Variants in EYS observed in about 807,000 individuals in gnomAD.
EYS encodes EGF-like photoreceptor maintenance factor.
A neutral mutation model predicts 282.1 loss-of-function variants in EYS; 250 were observed. The ratio of observed to expected loss-of-function variants is 0.89; its 90% CI spans 0.80 to 0.98. The LOEUF (loss-of-function observed/expected upper bound fraction) is 0.98, where lower values mean the gene tolerates loss of function less well. Among genes scored for constraint, EYS ranks in the 50% least tolerant of loss-of-function variants. The pLI is 0.00. For missense variants in EYS, 4,016 were observed against 3,709.0 expected (o/e 1.08, Z -2.15); for synonymous variants, 1,355 against 1,282.9 (o/e 1.06, Z -1.20).
chr6:65,147,596 T>A (rs555743356), intron 12 of EYS, among the ~76,000 whole-genome samples: 1 of 152,120 alleles, frequency 6.6e-6, no homozygotes, highest in African/African-American at 2.4e-5. Context: ...TTGATATTAA[T>A]GTTGTCACTC....
At chr6:65,410,841 T>C (rs1327283312) in intron 5 of EYS, among the ~76,000 whole-genome samples, 1 of 151,908 alleles carries the variant, frequency 6.6e-6, no homozygotes, top group African/African-American at 2.4e-5. Context: ...GTTAACTATA[T>C]ACAAAATAGT....
At chr6:64,271,197 CT>C (rs1006347852) in intron 30 of EYS, among the ~76,000 whole-genome samples, 1 of 151,984 alleles carries the variant, frequency 6.6e-6, no homozygotes, top group African/African-American at 2.4e-5. Context: ...TACTGTTACT[CT>C]TTATTCTTAT....
chr6:65,644,550 A>G (rs1290063709), intron 1 of EYS, among the ~76,000 whole-genome samples: 1 of 152,228 alleles, frequency 6.6e-6, no homozygotes, highest in Non-Finnish European at 1.5e-5. Flanking sequence ...ATCCAAATAC[A>G]AAACACTCAA....
intron 26 of EYS, among the ~76,000 whole-genome samples, chr6:64,495,856 T>C (rs540730154): frequency 5.5e-4 from 83 of 152,024 alleles, no homozygotes; most frequent in Non-Finnish European, 9.0e-4. Flanking sequence ...CATTGGAAGA[T>C]TTAATAATAT....
At chr6:63,851,155 A>C (rs1054154190) in intron 36 of EYS, among the ~76,000 whole-genome samples, 8 of 152,222 alleles carry the variant, frequency 5.3e-5, no homozygotes, top group African/African-American at 1.9e-4. Context: ...CCAATACAGG[A>C]TCATCCAGAT....
chr6:65,121,957 C>A (rs1167898422), intron 12 of EYS, among the ~76,000 whole-genome samples: 1 of 151,718 alleles, frequency 6.6e-6, no homozygotes, highest in Non-Finnish European at 1.5e-5. Context: ...AAAAAAAGAA[C>A]ACTAAAACTA....
chr6:65,059,190 A>C (rs1195708707), intron 12 of EYS, among the ~76,000 whole-genome samples: 1 of 152,016 alleles, frequency 6.6e-6, no homozygotes, highest in African/African-American at 2.4e-5. Context: ...AATTTTGTGG[A>C]AATTGAGAAC....
intron 34 of EYS, among the ~76,000 whole-genome samples, chr6:63,993,832 T>C (rs113519087): frequency 6.6e-6 from 1 of 151,876 alleles, no homozygotes; most frequent in East Asian, 1.9e-4. Flanking sequence ...GGATGCCAAA[T>C]AGCCAAAACA....
intron 31 of EYS, among the ~76,000 whole-genome samples, chr6:64,205,151 C>T (rs1204244482): frequency 6.6e-6 from 1 of 152,116 alleles, no homozygotes; most frequent in South Asian, 2.1e-4. Flanking sequence ...TTAAGATTCA[C>T]AGAGGGATTG....
chr6:65,334,100 CTTTA>C (rs1769893662), intron 11 of EYS, among the ~76,000 whole-genome samples: 1 of 151,660 alleles, frequency 6.6e-6, no homozygotes, highest in Non-Finnish European at 1.5e-5. Context: ...TCTGAAATCA[CTTTA>C]TTTAAATATT....
At chr6:65,323,143 A>C (rs1222766984) in intron 11 of EYS, among the ~76,000 whole-genome samples, 3 of 144,594 alleles carry the variant, frequency 2.1e-5, no homozygotes, top group African/African-American at 7.8e-5. Context: ...GAAAATGTAG[A>C]AAAGCACAAA....
chr6:63,781,001 AG>A (rs1770208115), intron 39 of EYS, among the ~76,000 whole-genome samples: 1 of 152,230 alleles, frequency 6.6e-6, no homozygotes, highest in South Asian at 2.1e-4. Context: ...TTTATTAAGT[AG>A]GGAATCCTTT....
chr6:64,402,185 T>G (rs1773556618), intron 28 of EYS, among the ~76,000 whole-genome samples: 1 of 152,212 alleles, frequency 6.6e-6, no homozygotes, highest in Admixed American at 6.5e-5. Context: ...TTTGCAGTCT[T>G]AGTGATCTCT....
intron 2 of EYS, among the ~76,000 whole-genome samples, chr6:65,574,483 C>A (rs1370183592): frequency 2.6e-5 from 4 of 151,920 alleles, no homozygotes; most frequent in East Asian, 1.9e-4. Context: ...GCTAGCTATG[C>A]GTGTATCAGG....
chr6:65,410,734 G>C (rs1315448540), intron 5 of EYS, among the ~76,000 whole-genome samples: 1 of 151,172 alleles, frequency 6.6e-6, no homozygotes, highest in Non-Finnish European at 1.5e-5. Context: ...ATACCAAAGA[G>C]ATATTTTTAC....
intron 19 of EYS, among the ~76,000 whole-genome samples, chr6:64,884,940 T>C (rs1170681128): frequency 1.3e-5 from 2 of 151,626 alleles, no homozygotes; most frequent in Admixed American, 6.6e-5. Flanking sequence ...CTAAAAAGGT[T>C]CTCCTTATAG....
intron 12 of EYS, among the ~76,000 whole-genome samples, chr6:65,288,946 T>C (rs1450681376): frequency 6.6e-6 from 1 of 150,602 alleles, no homozygotes; most frequent in Non-Finnish European, 1.5e-5. Context: ...AGTGTTAATA[T>C]CAATAAAGGG....
chr6:65,578,247 T>C lies in EYS; in HGVS notation c.-333+61531A>G, dbSNP rs115560162. Among the ~76,000 whole-genome samples the C allele has an allele frequency of 6.4e-3, 972 of 150,888 alleles. 13 individuals are homozygous for C. The highest frequency in any genetic ancestry group is 0.022 in the African/African-American group (913 of 41,138). On this transcript the variant is annotated intron_variant, in intron 2 of 42. Transcript: ENST00000503581. Reference sequence around the variant, plus strand: ...CACACAATAGAATACTACTTAGCCTTTAAAAAGAAGGAAGTCCTATCATTT... The same window carrying C: ...CACACAATAGAATACTACTTAGCCTCTAAAAAGAAGGAAGTCCTATCATTT...
At chr6:65,417,661 T>C (rs947725493) in intron 5 of EYS, among the ~76,000 whole-genome samples, 15 of 152,074 alleles carry the variant, frequency 9.9e-5, no homozygotes, top group Admixed American at 6.6e-4. Context: ...GATTGTTATA[T>C]TGCTTTTCAT....
Sources: allele counts gnomAD v4.1 joint callset (sites outside exome capture counted in the v4.1 genomes callset), GRCh38; gene constraint gnomAD v4.1.1; transcripts MANE v1.5; gene names NCBI Gene and HGNC (gene_info 2026-07-23, HGNC 2026-07-21).